MACROD2: variants seen among roughly 807,000 people sequenced by gnomAD.
MACROD2 encodes the protein ADP-ribose glycohydrolase MACROD2.
MACROD2 carries 36 observed loss-of-function variants against 70.4 expected under a neutral mutation model. The ratio of observed to expected loss-of-function variants is 0.51; its 90% CI spans 0.39 to 0.68. The LOEUF is 0.68. MACROD2 is among the 30% of genes least tolerant of loss of function. The pLI is 0.00. For synonymous variants in MACROD2, 172 were observed against 178.8 expected (o/e 0.96, Z 0.30); for missense variants, 496 against 538.4 (o/e 0.92, Z 0.78).
chr20:14,028,766 G>A (rs942861989), intron 2 of MACROD2, among the ~76,000 whole-genome samples: 2 of 152,148 alleles, frequency 1.3e-5, no homozygotes, highest in Non-Finnish European at 2.9e-5. Context: ...CCAGTGAGAT[G>A]AGCCAGGTAC....
intron 2 of MACROD2, among the ~76,000 whole-genome samples, chr20:14,058,215 A>G (rs1367345124): frequency 6.6e-6 from 1 of 152,144 alleles, no homozygotes; most frequent in East Asian, 1.9e-4. Context: ...TGTATGCTTC[A>G]ATAAAACTCA....
intron 8 of MACROD2, among the ~76,000 whole-genome samples, chr20:15,703,601 A>C (rs1439348109): frequency 6.6e-6 from 1 of 152,268 alleles, no homozygotes; most frequent in Non-Finnish European, 1.5e-5. Flanking sequence ...TCTTAACACA[A>C]TAATAGATTT....
intron 3 of MACROD2, among the ~76,000 whole-genome samples, chr20:14,244,699 G>A (rs528733734): frequency 2.9e-4 from 44 of 152,318 alleles, no homozygotes; most frequent in African/African-American, 1.0e-3. Flanking sequence ...AATGATGGCC[G>A]CTGAGCGCTG....
At chr20:15,052,372 C>A (rs961399728) in intron 5 of MACROD2, among the ~76,000 whole-genome samples, 3 of 152,162 alleles carry the variant, frequency 2.0e-5, no homozygotes, top group African/African-American at 7.2e-5. Flanking sequence ...TTTGTGGCAA[C>A]CTTGTATTGA....
At chr20:14,480,418 A>G (rs1014218990) in intron 3 of MACROD2, among the ~76,000 whole-genome samples, 2 of 152,216 alleles carry the variant, frequency 1.3e-5, no homozygotes, top group South Asian at 2.1e-4. Context: ...CTGGAATACC[A>G]TATGCAAATT....
intron 8 of MACROD2, among the ~76,000 whole-genome samples, chr20:15,553,521 G>C (rs2048125768): frequency 6.6e-6 from 1 of 152,116 alleles, no homozygotes; most frequent in Non-Finnish European, 1.5e-5. Context: ...TGGGGCTTGA[G>C]CGATCTCCTA....
intron 5 of MACROD2, among the ~76,000 whole-genome samples, chr20:15,214,084 T>C (rs1307527572): frequency 6.6e-6 from 1 of 152,130 alleles, no homozygotes; most frequent in Admixed American, 6.5e-5. Flanking sequence ...AACACTTTTA[T>C]TTCATTTCCA....
chr20:15,948,499 T>C (rs1409620318), intron 12 of MACROD2, among the ~76,000 whole-genome samples: 1 of 150,708 alleles, frequency 6.6e-6, no homozygotes, highest in Non-Finnish European at 1.5e-5. Flanking sequence ...ATGATTAAGA[T>C]TCCTAATAAA....
intron 4 of MACROD2, among the ~76,000 whole-genome samples, chr20:14,515,465 G>GCGCA (rs1369248292): frequency 0.19 from 23,591 of 126,970 alleles, 1,930 homozygotes; most frequent in Middle Eastern, 0.32. Context: ...ACACACACAC[G>GCGCA]CACACACACA....
At chr20:14,465,748 G>A (rs954674653) in intron 3 of MACROD2, among the ~76,000 whole-genome samples, 5 of 152,040 alleles carry the variant, frequency 3.3e-5, no homozygotes, top group African/African-American at 1.2e-4. Context: ...AAATCTCTCA[G>A]CATTTGCTTG....
chr20:15,609,866 G>C (rs2048943603), intron 8 of MACROD2, among the ~76,000 whole-genome samples: 1 of 152,056 alleles, frequency 6.6e-6, no homozygotes, highest in African/African-American at 2.4e-5. Flanking sequence ...CCCTCTCAGG[G>C]GATACAGATT....
intron 6 of MACROD2, among the ~76,000 whole-genome samples, chr20:15,359,149 A>G (rs1195897681): frequency 2.0e-5 from 3 of 152,212 alleles, no homozygotes; most frequent in African/African-American, 4.8e-5. Flanking sequence ...AATTACATTT[A>G]TAACTTAATG....
intron 5 of MACROD2, among the ~76,000 whole-genome samples, chr20:14,925,133 T>C (rs1419558857): frequency 6.6e-6 from 1 of 152,018 alleles, no homozygotes; most frequent in Non-Finnish European, 1.5e-5. Context: ...ATCTCCTGTG[T>C]TTTTTGTTTT....
intron 5 of MACROD2, among the ~76,000 whole-genome samples, chr20:15,093,356 C>T (rs937085910): frequency 5.3e-5 from 8 of 152,108 alleles, no homozygotes; most frequent in Admixed American, 3.9e-4. Flanking sequence ...GATTGGTGGG[C>T]CGGGGTCCTT....
intron 3 of MACROD2, among the ~76,000 whole-genome samples, chr20:14,172,781 T>A (rs2081233494): frequency 6.6e-6 from 1 of 152,212 alleles, no homozygotes; most frequent in Non-Finnish European, 1.5e-5. Context: ...GGTTCTATTT[T>A]GGTGTATTTT....
intron 13 of MACROD2, among the ~76,000 whole-genome samples, chr20:15,970,895 G>A (rs935411588): frequency 6.6e-6 from 1 of 152,136 alleles, no homozygotes; most frequent in African/African-American, 2.4e-5. Flanking sequence ...GAGCAAAACA[G>A]GCAATAGACT....
intron 3 of MACROD2, among the ~76,000 whole-genome samples, chr20:14,133,195 G>A (rs2054741819): frequency 6.6e-6 from 1 of 152,092 alleles, no homozygotes; most frequent in East Asian, 1.9e-4. Flanking sequence ...GCACCTTTTG[G>A]CCCAGTCAAG....
At chr20:14,964,202 G>A (rs953331357) in intron 5 of MACROD2, among the ~76,000 whole-genome samples, 7 of 152,008 alleles carry the variant, frequency 4.6e-5, no homozygotes, top group Non-Finnish European at 1.0e-4. Context: ...AAGTATATTA[G>A]GATAGCAAAC....
At chr20:14,929,749 G>A (rs981649198) in intron 5 of MACROD2, among the ~76,000 whole-genome samples, 3 of 152,042 alleles carry the variant, frequency 2.0e-5, no homozygotes, top group African/African-American at 7.2e-5. Flanking sequence ...CTTGAAAGGG[G>A]CTTATTAAGA....
Sources: gnomAD v4.1 joint callset for allele counts (sites outside exome capture counted in the v4.1 genomes callset) on GRCh38, gnomAD v4.1.1 for gene constraint, MANE v1.5 for transcripts, NCBI Gene and HGNC (gene_info 2026-07-23, HGNC 2026-07-21) for gene names.